The following RBMS3 variants were observed in gnomAD, a reference collection of about 807,000 sequenced individuals.
RBMS3 encodes RNA-binding motif, single-stranded-interacting protein 3.
In RBMS3, 27 loss-of-function variants were observed where a neutral mutation model predicts 66.8. That is an observed-to-expected ratio of 0.40 (90% CI 0.30 to 0.56). The LOEUF is 0.56. RBMS3 is among the 20% of genes least tolerant of loss of function. The probability of loss-of-function intolerance (pLI) is 0.40; values close to 1 mark genes in which losing one functional copy is unlikely to be tolerated. For synonymous variants in RBMS3, 188 were observed against 183.0 expected, an observed-to-expected ratio of 1.03 and a Z score of -0.22; for missense variants, 513 against 549.5, an observed-to-expected ratio of 0.93 and a Z score of 0.66.
rs1387420520 is a variant in RBMS3, at chr3:29,728,440, T to C, written c.400-11280T>C. Among the ~76,000 whole-genome samples, 18 of 152,266 alleles carry C rather than the reference T, an allele frequency of 1.2e-4. No individual in the cohort carries two copies. In the East Asian group the frequency reaches 3.5e-3, roughly 29 times the overall value. ...GCAATCGTGATGAAAGACATTCTTTTAAAATAAAAAAATAGTTTAACCTTA... is the reference window on the plus strand; with the variant it reads ...GCAATCGTGATGAAAGACATTCTTTCAAAATAAAAAAATAGTTTAACCTTA... On this transcript the variant is annotated intron_variant, in intron 4 of 14. Coordinates refer to ENST00000383767, the MANE Select transcript of RBMS3 (RefSeq NM_001003793.3).
At chr3:29,425,229 A>AAAAAAAAAAAAAAG (rs2040907103) in intron 1 of RBMS3, among the ~76,000 whole-genome samples, 1 of 148,626 alleles carries the variant, frequency 6.7e-6, no homozygotes. Flanking sequence ...AAAAAAAAAA[A>AAAAAAAAAAAAAAG]CAGGCGTGGT....
chr3:29,544,365 C>T (rs3773066), intron 3 of RBMS3, among the ~76,000 whole-genome samples: 41,017 of 151,660 alleles, frequency 0.27, 8,040 homozygotes, highest in African/African-American at 0.55. Flanking sequence ...ATCAAGTTGC[C>T]TTCTTGAGAA....
chr3:29,915,667 T>C (rs2060622454), intron 10 of RBMS3, among the ~76,000 whole-genome samples: 1 of 151,962 alleles, frequency 6.6e-6, no homozygotes, highest in Non-Finnish European at 1.5e-5. Flanking sequence ...GAGGATTCAT[T>C]GACAGACAAT....
chr3:29,926,570 G>A lies in RBMS3; in HGVS notation c.940-9516G>A, dbSNP rs116392226. On this transcript the variant is annotated intron_variant, in intron 10 of 14. Transcript: ENST00000383767. ...CCCATTTGCCAATAGGATCTTACAA[G>A]ACCTTGAAAAGGATTTGCAAGCAGG... is the stretch of plus-strand genomic sequence containing the variant. 2.7e-3 allele frequency among the ~76,000 whole-genome samples: 408 copies of A among 152,282 alleles called. 3 individuals carry two copies. The highest frequency in any genetic ancestry group is 4.1e-3 in the Non-Finnish European group (280 of 68,016).
At chr3:29,432,829 G>C in intron 1 of RBMS3, among the ~76,000 whole-genome samples, 1 of 152,190 alleles carries the variant, frequency 6.6e-6, no homozygotes, top group East Asian at 1.9e-4. Context: ...AGAATGGGAA[G>C]GGTGAAAAGT....
intron 6 of RBMS3, among the ~76,000 whole-genome samples, chr3:29,860,759 A>G (rs1318883405): frequency 1.3e-5 from 2 of 152,264 alleles, no homozygotes; most frequent in African/African-American, 4.8e-5. Flanking sequence ...GAGTTTCATT[A>G]TCATCCTTCT....
chr3:29,474,320 C>T (rs2042871412), intron 2 of RBMS3, among the ~76,000 whole-genome samples: 1 of 152,174 alleles, frequency 6.6e-6, no homozygotes, highest in Non-Finnish European at 1.5e-5. Context: ...ATATATTTAT[C>T]TGTTCTATTA....
intron 6 of RBMS3, among the ~76,000 whole-genome samples, chr3:29,768,496 T>C (rs1245297019): frequency 2.0e-5 from 3 of 151,932 alleles, no homozygotes. Context: ...AATGAGTTTT[T>C]TGACAGGGCT....
intron 13 of RBMS3, 25 bp from the exon 14 acceptor site, chr3:29,991,057 T>C: frequency 6.2e-7 from 1 of 1,611,070 alleles, no homozygotes. Context: ...AAGTAAGGCT[T>C]TTATGTTCTT....
chr3:29,623,032 GCGTGA>G (rs1475092886), intron 4 of RBMS3, among the ~76,000 whole-genome samples: 4 of 150,944 alleles, frequency 2.6e-5, no homozygotes, highest in Non-Finnish European at 5.9e-5. Context: ...AAGGAGAATG[GCGTGA>G]ACTGGCAAGC....
chr3:29,296,135 G>A (rs2033245926), intron 1 of RBMS3, among the ~76,000 whole-genome samples: 1 of 151,772 alleles, frequency 6.6e-6, no homozygotes, highest in African/African-American at 2.4e-5. Context: ...AGCGCTTGGG[G>A]TCAGCAATTC....
At chr3:29,813,665 GT>G (rs1256008526) in intron 6 of RBMS3, among the ~76,000 whole-genome samples, 5 of 152,112 alleles carry the variant, frequency 3.3e-5, no homozygotes, top group Admixed American at 3.3e-4. Context: ...TTGAGCCGTG[GT>G]TTGTAGTTCT....
chr3:29,562,289 A>T (rs2046585454), intron 3 of RBMS3, among the ~76,000 whole-genome samples: 1 of 152,172 alleles, frequency 6.6e-6, no homozygotes, highest in South Asian at 2.1e-4. Context: ...AGTGATAGTT[A>T]ACTATTTTCA....
At chr3:29,679,680 G>A (rs999092896) in intron 4 of RBMS3, among the ~76,000 whole-genome samples, 1 of 151,688 alleles carries the variant, frequency 6.6e-6, no homozygotes, top group Non-Finnish European at 1.5e-5. Flanking sequence ...AGTTTCCCAA[G>A]CCAGTCTAGA....
At chr3:29,604,892 G>T (rs367681746) in intron 4 of RBMS3, among the ~76,000 whole-genome samples, 21 of 151,842 alleles carry the variant, frequency 1.4e-4, no homozygotes, top group African/African-American at 4.8e-4. Context: ...TTTTTAATGG[G>T]GTTAGAGCAT....
chr3:29,604,825 C>T (rs1052088209), intron 4 of RBMS3, among the ~76,000 whole-genome samples: 1 of 151,844 alleles, frequency 6.6e-6, no homozygotes, highest in Non-Finnish European at 1.5e-5. Context: ...AGTTTTCCTC[C>T]AGGGATAGAC....
intron 13 of RBMS3, among the ~76,000 whole-genome samples, chr3:29,990,058 T>G (rs1577333599): frequency 6.6e-6 from 1 of 152,302 alleles, no homozygotes; most frequent in South Asian, 2.1e-4. Context: ...TACTCTGATA[T>G]ATTGCCTTGA....
intron 3 of RBMS3, among the ~76,000 whole-genome samples, chr3:29,579,611 G>A (rs1170611626): frequency 2.6e-5 from 4 of 152,130 alleles, no homozygotes; most frequent in South Asian, 4.1e-4. Context: ...TTATTAATAT[G>A]TTGGGCTTGC....
chr3:29,586,255 C>G (rs1310686208), intron 3 of RBMS3, among the ~76,000 whole-genome samples: 7 of 152,096 alleles, frequency 4.6e-5, no homozygotes, highest in African/African-American at 1.4e-4. Context: ...TACTGTTAGG[C>G]TAAGCCTTGG....
Sources: allele counts gnomAD v4.1 joint callset (sites outside exome capture counted in the v4.1 genomes callset), GRCh38; gene constraint gnomAD v4.1.1; transcripts MANE v1.5; gene names NCBI Gene and HGNC (gene_info 2026-07-23, HGNC 2026-07-21).